Variants in ABHD12 observed in about 807,000 individuals in gnomAD.
The protein encoded by ABHD12 is abhydrolase domain containing 12, lysophospholipase.
In ABHD12, 43 loss-of-function variants were observed where a neutral mutation model predicts 58.3. The ratio of observed to expected loss-of-function variants is 0.74; its 90% CI spans 0.58 to 0.95. ABHD12 has a LOEUF of 0.95. Among genes scored for constraint, ABHD12 ranks in the 40% least tolerant of loss-of-function variants. ABHD12 has a pLI of 0.00. For missense variants in ABHD12, 539 were observed against 537.2 expected (o/e 1.00, Z -0.03); for synonymous variants, 219 against 211.2 (o/e 1.04, Z -0.32).
intron 1 of ABHD12, among the ~76,000 whole-genome samples, chr20:25,384,289 T>G (rs2090060015): frequency 6.7e-6 from 1 of 149,536 alleles, no homozygotes; most frequent in Non-Finnish European, 1.5e-5. Flanking sequence ...CTTTAAAAAT[T>G]ATCTTTTGGC....
At chr20:25,296,621 GCTT>G (rs1394425815), downstream of ABHD12, 17 of 1,434,842 alleles carry the variant, frequency 1.2e-5, no homozygotes, top group Non-Finnish European at 1.5e-5. Flanking sequence ...GGTGGTCCCT[GCTT>G]TTCTGAGTAC....
intron 1 of ABHD12, among the ~76,000 whole-genome samples, chr20:25,342,654 G>A (rs979612105): frequency 1.3e-5 from 2 of 151,990 alleles, no homozygotes; most frequent in East Asian, 1.9e-4. Context: ...GCTGGAGTGC[G>A]GTGGCACAAT....
At chr20:25,337,574 C>T (rs2089393056) in intron 2 of ABHD12, among the ~76,000 whole-genome samples, 1 of 152,246 alleles carries the variant, frequency 6.6e-6, no homozygotes, top group African/African-American at 2.4e-5. Context: ...GCTGGGAGCC[C>T]ACAATGTACC....
intron 2 of ABHD12, among the ~76,000 whole-genome samples, chr20:25,336,863 G>A (rs954202792): frequency 1.3e-5 from 2 of 152,182 alleles, no homozygotes; most frequent in African/African-American, 4.8e-5. Flanking sequence ...GGGTGTGGGG[G>A]CCAGGCAGAT....
chr20:25,342,458 T>C (rs2089467705), intron 1 of ABHD12, among the ~76,000 whole-genome samples: 3 of 151,690 alleles, frequency 2.0e-5, no homozygotes, highest in Non-Finnish European at 4.4e-5. Flanking sequence ...TACCACATTT[T>C]TTTTTTTTTT....
intron 4 of ABHD12, among the ~76,000 whole-genome samples, chr20:25,318,814 T>C (rs1160174510): frequency 1.3e-5 from 2 of 152,194 alleles, no homozygotes; most frequent in African/African-American, 4.8e-5. Flanking sequence ...CTCTGCAGCT[T>C]GTCCCAGACA....
At chr20:25,340,741 CA>C (rs1386935077) in intron 1 of ABHD12, among the ~76,000 whole-genome samples, 1 of 152,208 alleles carries the variant, frequency 6.6e-6, no homozygotes, top group Non-Finnish European at 1.5e-5. Flanking sequence ...AAGACATCCA[CA>C]AAAGACTGTA....
intron 2 of ABHD12, among the ~76,000 whole-genome samples, chr20:25,325,010 A>G (rs2145984859): frequency 6.7e-6 from 1 of 148,738 alleles, no homozygotes; most frequent in African/African-American, 2.6e-5. Context: ...TTTTGATACC[A>G]GCCTGGGCAA....
chr20:25,313,090 A>C (rs2088892234), intron 6 of ABHD12, among the ~76,000 whole-genome samples: 1 of 152,338 alleles, frequency 6.6e-6, no homozygotes, highest in Admixed American at 6.5e-5. Flanking sequence ...GGTGTACCCA[A>C]CAGCTCATTG....
At chr20:25,320,059 C>A in intron 4 of ABHD12, 140 bp downstream of exon 4, 1 of 1,197,852 alleles carries the variant, frequency 8.3e-7, no homozygotes. Flanking sequence ...GAGGCTCTCC[C>A]TCATTGCAGT....
intron 2 of ABHD12, among the ~76,000 whole-genome samples, chr20:25,325,426 T>C (rs867077066): frequency 1.5e-4 from 23 of 152,134 alleles, no homozygotes; most frequent in African/African-American, 4.6e-4. Context: ...TGACCTTACT[T>C]GGAAACAGTG....
chr20:25,380,683 C>A (rs2146130435), intron 1 of ABHD12, among the ~76,000 whole-genome samples: 1 of 152,240 alleles, frequency 6.6e-6, no homozygotes, highest in African/African-American at 2.4e-5. Flanking sequence ...TAGGTGGCTG[C>A]CTTGACACCT....
intron 12 of ABHD12, among the ~76,000 whole-genome samples, chr20:25,301,984 C>T (rs2088643644): frequency 6.6e-6 from 1 of 152,208 alleles, no homozygotes; most frequent in African/African-American, 2.4e-5. Flanking sequence ...TGGGTCTGTA[C>T]ATCCTTTACA....
At chr20:25,368,917 G>C (rs539490109) in intron 1 of ABHD12, among the ~76,000 whole-genome samples, 1 of 152,118 alleles carries the variant, frequency 6.6e-6, no homozygotes, top group African/African-American at 2.4e-5. Context: ...TAATTCATGA[G>C]TTTGGGACCA....
At chr20:25,320,491 T>G (rs1449920604) in intron 3 of ABHD12, among the ~76,000 whole-genome samples, 173 bp from the exon 4 acceptor site, 1 of 152,212 alleles carries the variant, frequency 6.6e-6, no homozygotes, top group African/African-American at 2.4e-5. Flanking sequence ...TCCCCATCAC[T>G]AGAATCAATA....
At chr20:25,356,339 T>C (rs1480706687) in intron 1 of ABHD12, among the ~76,000 whole-genome samples, 1 of 152,228 alleles carries the variant, frequency 6.6e-6, no homozygotes, top group Non-Finnish European at 1.5e-5. Context: ...GGCTTTTCTA[T>C]CAGCTCAGCC....
rs1384033644 is a variant in ABHD12 at position 25,370,345 on chromosome 20, G to GTCA, written c.191+20165_191+20167dup. On this transcript the variant is annotated intron_variant, in intron 1 of 12. Transcript: ENST00000339157. ...AGACAATAAGGGGGCCACAGAGAAG[G>GTCA]TCACCAACTCCAAGAGAAGGCTCTG... Among the ~76,000 whole-genome samples, 3 of 152,192 alleles carry GTCA rather than the reference G, an allele frequency of 2.0e-5. No homozygotes were observed. In the East Asian group the frequency reaches 5.8e-4, roughly 29 times the overall value.
intron 6 of ABHD12, among the ~76,000 whole-genome samples, chr20:25,313,979 CTT>C (rs570904708): frequency 6.8e-6 from 1 of 147,646 alleles, no homozygotes. Context: ...CTTAACAGTT[CTT>C]TTTTTTTTTT....
chr20:25,386,764 C>T (rs1258376299), intron 1 of ABHD12, among the ~76,000 whole-genome samples: 1 of 151,814 alleles, frequency 6.6e-6, no homozygotes, highest in African/African-American at 2.4e-5. Flanking sequence ...GCCTGTAATC[C>T]CAGCTACCCG....
Sources: gnomAD v4.1 joint callset for allele counts (sites outside exome capture counted in the v4.1 genomes callset) on GRCh38, gnomAD v4.1.1 for gene constraint, MANE v1.5 for transcripts, NCBI Gene and HGNC (gene_info 2026-07-23, HGNC 2026-07-21) for gene names.